Variants in ADGRB1 observed in about 807,000 individuals in gnomAD.
ADGRB1 encodes brain-specific angiogenesis inhibitor 1.
Under a neutral mutation model 175.7 loss-of-function variants are expected in ADGRB1, and 36 were observed. The ratio of observed to expected loss-of-function variants is 0.20; its 90% CI spans 0.16 to 0.27. ADGRB1 has a LOEUF of 0.27. Among genes scored for constraint, ADGRB1 ranks in the 10% least tolerant of loss-of-function variants. The pLI, the probability that ADGRB1 is intolerant of heterozygous loss-of-function variation, is 1.00. For synonymous variants in ADGRB1, 1,054 were observed against 979.4 expected (o/e 1.08, Z -1.42); for missense variants, 1,731 against 2,255.3 (o/e 0.77, Z 4.71).
rs916719494 is a variant in ADGRB1, at chr8:142,469,744, T to C, written c.784+4762T>C. ...GCATGCACATGCATGTGTGTGAATG[T>C]GTGAGTGCCTGTGTGAATGTATGTG... On this transcript the variant is annotated intron_variant, in intron 2 of 30. Transcript: ENST00000517894. Among the ~76,000 whole-genome samples the C allele has an allele frequency of 1.8e-4, 28 of 152,076 alleles. 2 individuals carry two copies. Among genetic ancestry groups the C allele is most frequent in the Admixed American group, 1.6e-3 (25 of 15,270 alleles).
Position 142,455,761 on chromosome 8 carries a change from G to A in ADGRB1, c.-220+5657G>A, listed in dbSNP as rs1839633444. On this transcript the variant is annotated intron_variant, in intron 1 of 30. Transcript: ENST00000517894. The surrounding 1 kb of genome is among the most constrained non-coding windows in gnomAD (Gnocchi z 4.9). ...GAGCGGCCAGGAGGCTGAGAAGATG[G>A]TGCTGGCTGGGCACTGGCCTGGGTG... 6.6e-6 allele frequency among the ~76,000 whole-genome samples: 1 copy of A among 152,306 alleles called. No homozygotes were observed. The highest frequency in any genetic ancestry group is 2.1e-4 in the South Asian group (1 of 4,828).
rs1841200860 is a variant in ADGRB1, at chr8:142,479,395, G to A, written c.1634G>A (p.Arg545Gln). 1.3e-6 allele frequency: 2 copies of A among 1,533,202 alleles called. No homozygotes were observed. Among genetic ancestry groups the A allele is most frequent in the East Asian group, 2.4e-5 (1 of 41,974 alleles). 95.0% of individuals were successfully genotyped at this position (1,533,202 alleles called of 1,614,324 possible). A position where few individuals can be genotyped will look rare whatever the true frequency, so the allele number is the denominator to read the frequency against. Residue 545 changes from arginine (R) to glutamine (Q), a missense_variant, in exon 8 of 31, where the codon CGG becomes CAG. Coordinates refer to ENST00000517894, the MANE Select transcript of ADGRB1 (RefSeq NM_001702.3). ...SVTCGAGSQR[R>Q]ERVCSGPFFG... is the part of the protein sequence containing the mutation. The stretch of plus-strand genomic sequence containing the variant: ...ACGTGTGGGGCTGGCAGCCAGCGAC[G>A]GGAGCGTGTCTGCTCTGGGCCCTTC...
intron 16 of ADGRB1, among the ~76,000 whole-genome samples, chr8:142,489,886 C>T (rs1371196769): frequency 2.0e-5 from 3 of 152,214 alleles, no homozygotes; most frequent in African/African-American, 7.2e-5. Context: ...CCCAGAACTC[C>T]CTGGCGGGAA....
At chr8:142,476,903 C>G (rs1841009357) in intron 4 of ADGRB1, among the ~76,000 whole-genome samples, 1 of 152,178 alleles carries the variant, frequency 6.6e-6, no homozygotes, top group Non-Finnish European at 1.5e-5. Flanking sequence ...CCCCAGAGGC[C>G]CAGGGATGGC....
intron 20 of ADGRB1, among the ~76,000 whole-genome samples, chr8:142,521,489 A>G (rs1223920046): frequency 6.6e-6 from 1 of 152,184 alleles, no homozygotes; most frequent in Non-Finnish European, 1.5e-5. Flanking sequence ...ACAATCTAGG[A>G]GAGAAAATAA....
chr8:142,503,441 A>G (rs1842717775), intron 17 of ADGRB1, among the ~76,000 whole-genome samples: 1 of 152,024 alleles, frequency 6.6e-6, no homozygotes, highest in Admixed American at 6.5e-5. Flanking sequence ...TGGCCCTTTG[A>G]CCTTGCCACT....
Position 142,522,002 on chromosome 8 carries a change from T to C in ADGRB1, c.3062T>C (p.Phe1021Ser). Residue 1021 changes from phenylalanine (F) to serine (S), a missense_variant, in exon 21 of 31, where the codon TTC (phenylalanine) becomes TCC (serine). Phe to Ser is a radical substitution (Grantham distance 155). This residue lies in a region of ADGRB1 where 301 missense variants were observed against 488.4 expected (regional missense o/e 0.62). Coordinates refer to ENST00000517894, the MANE Select transcript of ADGRB1 (RefSeq NM_001702.3). The part of the protein sequence containing the change: ...CTLVAAFLHF[F>S]FLSSFCWVLT... Reference sequence around the variant, plus strand: ...CTGGTGGCCGCCTTCCTGCACTTCTTCTTCCTGTCCTCCTTCTGCTGGGTG... The same window carrying C: ...CTGGTGGCCGCCTTCCTGCACTTCTCCTTCCTGTCCTCCTTCTGCTGGGTG... The C allele has an allele frequency of 1.2e-6, 2 of 1,609,470 alleles. No individual in the cohort carries two copies. The highest frequency in any genetic ancestry group is 1.7e-6 in the Non-Finnish European group (2 of 1,178,350).
At chr8:142,463,161 G>A (rs1206276439) in intron 1 of ADGRB1, among the ~76,000 whole-genome samples, 1 of 152,188 alleles carries the variant, frequency 6.6e-6, no homozygotes, top group Non-Finnish European at 1.5e-5. Context: ...CAGAGGTGAG[G>A]TGGCTCCTGG....
chr8:142,500,128 C>T (rs531675454), intron 17 of ADGRB1, among the ~76,000 whole-genome samples: 1 of 152,042 alleles, frequency 6.6e-6, no homozygotes, highest in Non-Finnish European at 1.5e-5. Flanking sequence ...GACGCCAGTC[C>T]CATGGCTGCC....
intron 17 of ADGRB1, among the ~76,000 whole-genome samples, chr8:142,496,572 A>T (rs1842227446): frequency 6.6e-6 from 1 of 152,202 alleles, no homozygotes; most frequent in African/African-American, 2.4e-5. Flanking sequence ...TTTTACACGT[A>T]AGAGTTGCAA....
chr8:142,510,977 C>G lies in ADGRB1; in HGVS notation c.2721C>G (p.Arg907=). Residue 907 remains arginine (R), a synonymous_variant, in exon 18 of 31, where the codon CGC becomes CGG. Coordinates refer to ENST00000517894, the MANE Select transcript of ADGRB1 (RefSeq NM_001702.3). This position sits in a 1 kb window ranked among gnomAD's most constrained non-coding sequence, Gnocchi z 6.3. ...APPQLGPWSW[R]GCRTVPLDAL... ...CGCAGCTCGGGCCCTGGTCGTGGCG[C>G]GGCTGCCGCACGGTGCCCCTCGACG... 7.7e-7 allele frequency: 1 copy of G among 1,304,922 alleles called. No individual in the cohort carries two copies. Among genetic ancestry groups the G allele is most frequent in the Non-Finnish European group, 9.9e-7 (1 of 1,009,432 alleles). 80.8% of individuals were successfully genotyped at this position (1,304,922 alleles called of 1,614,324 possible).
rs76065202 is a variant in ADGRB1 at position 142,465,366 on chromosome 8, C to T, written c.784+384C>T. Among the ~76,000 whole-genome samples, 1,383 of 152,290 alleles carry T rather than the reference C, an allele frequency of 9.1e-3. 16 individuals carry two copies. The highest frequency in any genetic ancestry group is 0.031 in the African/African-American group (1,303 of 41,558). ...TGGGAGAGGGCCCGCCCTTTCTCTC[C>T]GGCAGGACAACTTTAATGGGCCAGA... On this transcript the variant is annotated intron_variant, in intron 2 of 30. Transcript: ENST00000517894.
At chr8:142,526,443 G>A (rs1029043151) in intron 23 of ADGRB1, 99 bp from the exon 24 acceptor site, 9 of 1,093,576 alleles carry the variant, frequency 8.2e-6, no homozygotes, top group South Asian at 5.4e-5. Context: ...GTGGGGTAGG[G>A]GGTCGTGGTT....
chr8:142,533,881 C>T (rs1264676894), intron 25 of ADGRB1, among the ~76,000 whole-genome samples: 1 of 152,224 alleles, frequency 6.6e-6, no homozygotes, highest in Admixed American at 6.5e-5. Context: ...CAAACTACAT[C>T]CCAACTACCG....
chr8:142,518,335 C>T (rs1220469953), intron 19 of ADGRB1, 94 bp downstream of exon 19: 2 of 1,336,092 alleles, frequency 1.5e-6, no homozygotes, highest in African/African-American at 1.4e-5. Context: ...GTGGGTGCCC[C>T]TCCCTCCATT....
intron 18 of ADGRB1, among the ~76,000 whole-genome samples, chr8:142,516,144 C>T (rs1481177422): frequency 1.1e-4 from 17 of 151,382 alleles, no homozygotes; most frequent in African/African-American, 3.4e-4. Context: ...GTCGTGTGTG[C>T]GGGCCCCAGG....
intron 25 of ADGRB1, among the ~76,000 whole-genome samples, chr8:142,535,873 G>C (rs918760086): frequency 7.9e-5 from 12 of 152,196 alleles, no homozygotes. Flanking sequence ...GTGGCGGCCT[G>C]GAGTCCTTAG....
At chr8:142,489,487 C>T (rs745870789) in intron 16 of ADGRB1, 49 bp downstream of exon 16, 44 of 1,575,316 alleles carry the variant, frequency 2.8e-5, no homozygotes, top group Middle Eastern at 1.7e-4. Flanking sequence ...AACGCGTGTG[C>T]GCGAATTCTG....
chr8:142,514,454 G>A (rs1843304879), intron 18 of ADGRB1, among the ~76,000 whole-genome samples: 2 of 152,184 alleles, frequency 1.3e-5, no homozygotes, highest in Admixed American at 1.3e-4. Flanking sequence ...GGCGGATGAT[G>A]CCACCTGTCT....
Sources: gnomAD v4.1 joint callset for allele counts (sites outside exome capture counted in the v4.1 genomes callset) on GRCh38, gnomAD v4.1.1 for gene constraint, gnomAD v4.1.1 regional missense constraint, Gnocchi (gnomAD v3.1) non-coding constraint, MANE v1.5 for transcripts, NCBI Gene and HGNC (gene_info 2026-07-23, HGNC 2026-07-21) for gene names.